The following FGF18 variants were observed in gnomAD, a reference collection of about 807,000 sequenced individuals.
The protein encoded by FGF18 is fibroblast growth factor 18.
In FGF18, 5 loss-of-function variants were observed where a neutral mutation model predicts 23.0. That is an observed-to-expected ratio of 0.22 (90% CI 0.11 to 0.46). The LOEUF (loss-of-function observed/expected upper bound fraction) is 0.46. Ranked by LOEUF, FGF18 falls within the 20% of genes least tolerant of loss-of-function variation. FGF18 has a pLI of 0.99. For missense variants in FGF18, 180 were observed against 291.6 expected, an observed-to-expected ratio of 0.62 and a Z score of 2.79; for synonymous variants, 117 against 118.9, an observed-to-expected ratio of 0.98 and a Z score of 0.10.
intron 2 of FGF18, among the ~76,000 whole-genome samples, chr5:171,423,707 T>C (rs1772053874): frequency 6.6e-6 from 1 of 151,112 alleles, no homozygotes; most frequent in Non-Finnish European, 1.5e-5. Flanking sequence ...CTGGTTAGGA[T>C]GGGGAAGCTG....
At chr5:171,435,139 G>C (rs756223449) in intron 2 of FGF18, among the ~76,000 whole-genome samples, 7 of 152,218 alleles carry the variant, frequency 4.6e-5, no homozygotes, top group Non-Finnish European at 8.8e-5. Flanking sequence ...CGTGGCTGGT[G>C]GGGAGGGAGT....
At chr5:171,448,365 C>T (rs921828868) in intron 3 of FGF18, among the ~76,000 whole-genome samples, 3 of 152,094 alleles carry the variant, frequency 2.0e-5, no homozygotes, top group African/African-American at 7.2e-5. Context: ...CTAGGGAGCT[C>T]GCACCTCACT....
chr5:171,421,929 C>T (rs925379427), intron 2 of FGF18, among the ~76,000 whole-genome samples: 5 of 152,110 alleles, frequency 3.3e-5, no homozygotes, highest in African/African-American at 1.2e-4. Flanking sequence ...CAGTGCCAGG[C>T]ATGGCCTGCC....
chr5:171,431,787 G>A (rs1413101184), intron 2 of FGF18, among the ~76,000 whole-genome samples: 1 of 152,090 alleles, frequency 6.6e-6, no homozygotes, highest in African/African-American at 2.4e-5. Flanking sequence ...GACTGGGCGC[G>A]GTGGCTCACA....
At chr5:171,453,411 A>C (rs1336343080) in intron 4 of FGF18, among the ~76,000 whole-genome samples, 1 of 152,236 alleles carries the variant, frequency 6.6e-6, no homozygotes, top group Non-Finnish European at 1.5e-5. Flanking sequence ...GGCACTGGGT[A>C]GCTCCTTGTA....
At chr5:171,432,534 G>A (rs548591017) in intron 2 of FGF18, among the ~76,000 whole-genome samples, 1 of 152,210 alleles carries the variant, frequency 6.6e-6, no homozygotes, top group Non-Finnish European at 1.5e-5. Flanking sequence ...TCAGCCTCCT[G>A]AGTAGCTGGG....
rs1281500559 is a variant in FGF18, at chr5:171,436,206, C to G, written c.183C>G (p.Thr61=). 6.2e-7 allele frequency: 1 copy of G among 1,607,156 alleles called. No individual in the cohort carries two copies. The highest frequency in any genetic ancestry group is 1.7e-5 in the Admixed American group (1 of 59,260). Residue 61 remains threonine (T), a synonymous_variant, in exon 3 of 5, where the codon ACC becomes ACG. Transcript: ENST00000274625. This position sits in a 1 kb window ranked among gnomAD's most constrained non-coding sequence, Gnocchi z 4.4. ...GGCTGTACCAGCTCTACAGCCGGAC[C>G]AGTGGGAAACACATCCAGGTCCTGG... ...QLRLYQLYSR[T]SGKHIQVLGR...
chr5:171,425,429 C>T (rs1450063729), intron 2 of FGF18, among the ~76,000 whole-genome samples: 2 of 151,914 alleles, frequency 1.3e-5, no homozygotes, highest in African/African-American at 2.4e-5. Flanking sequence ...CCATGTTGGC[C>T]AGGCTGGTCT....
intron 4 of FGF18, among the ~76,000 whole-genome samples, chr5:171,455,429 ATCTATCAGGAC>A (rs1772567388): frequency 6.6e-6 from 1 of 152,198 alleles, no homozygotes; most frequent in Admixed American, 6.5e-5. Flanking sequence ...TTTTATGCAA[ATCTATCAGGAC>A]TCATTTCTGT....
Position 171,451,067 on chromosome 5 carries a change from G to A in FGF18, c.357+1814G>A, listed in dbSNP as rs1388372059. Among the ~76,000 whole-genome samples the A allele has an allele frequency of 1.4e-5, 1 of 72,554 alleles. No individual in the cohort carries two copies. The highest frequency in any genetic ancestry group is 2.8e-5 in the Non-Finnish European group (1 of 35,922). 47.6% of individuals were successfully genotyped at this position (72,554 alleles called of 152,430 possible). A position where few individuals can be genotyped will look rare whatever the true frequency, so the allele number is the denominator to read the frequency against. ...CCTCGGGCCGCCCCCCCACCCCGCC[G>A]CCGGCCGCCTCCCGCCCGCGGGCGA... On this transcript the variant is annotated intron_variant, in intron 4 of 4. Transcript: ENST00000274625. This position sits in a 1 kb window ranked among gnomAD's most constrained non-coding sequence, Gnocchi z 4.5.
Position 171,456,795 on chromosome 5 carries a change from A to G in FGF18, c.614A>G (p.His205Arg), listed in dbSNP as rs1187616533. ...AGGTCCCGTCGGATCCGGCCCACAC[A>G]CCCTGCCTAGGCCACCCCGCCGCGG... ...TKRSRRIRPT[H>R]PA The change falls in exon 5 of 5, where the codon CAC (histidine) becomes CGC (arginine). Residue 205 changes from histidine (H) to arginine (R), a missense_variant. This residue lies in a region of FGF18 where 40 missense variants were observed against 41.4 expected (regional missense o/e 0.97). Transcript: ENST00000274625. This position sits in a 1 kb window ranked among gnomAD's most constrained non-coding sequence, Gnocchi z 6.1. The G allele has an allele frequency of 3.1e-6, 5 of 1,611,838 alleles. No homozygotes were observed. The highest frequency in any genetic ancestry group is 4.2e-6 in the Non-Finnish European group (5 of 1,179,012).
intron 2 of FGF18, among the ~76,000 whole-genome samples, chr5:171,423,522 T>C (rs1356081398): frequency 3.9e-5 from 6 of 152,126 alleles, no homozygotes; most frequent in East Asian, 1.9e-4. Context: ...TGGGGGGGCA[T>C]CCCCTGGCCT....
chr5:171,430,794 CAAAAAAAAAAAAA>C (rs566577499), intron 2 of FGF18, among the ~76,000 whole-genome samples: 2 of 53,826 alleles, frequency 3.7e-5, no homozygotes, highest in African/African-American at 1.6e-4. Context: ...GACTCCGTCT[CAAAAAAAAAAAAA>C]AAAAAAAAAG....
chr5:171,439,994 C>T (rs546918973), intron 3 of FGF18, among the ~76,000 whole-genome samples: 50 of 152,264 alleles, frequency 3.3e-4, no homozygotes, highest in African/African-American at 1.1e-3. Flanking sequence ...CCCTGCTAGC[C>T]AGGGAGATGG....
chr5:171,425,529 C>CTTTTTT (rs77671680), intron 2 of FGF18, among the ~76,000 whole-genome samples: 1 of 106,204 alleles, frequency 9.4e-6, no homozygotes, highest in African/African-American at 3.6e-5. Flanking sequence ...CCGCCATGTG[C>CTTTTTT]TTTTTTTTTT....
At chr5:171,449,452 T>G (rs1032967381) in intron 4 of FGF18, among the ~76,000 whole-genome samples, 199 bp downstream of exon 4, 15 of 151,364 alleles carry the variant, frequency 9.9e-5, no homozygotes, top group African/African-American at 3.6e-4. Flanking sequence ...GACTGTAATC[T>G]CTTCCTTTCA....
rs1250968903 is a variant in FGF18 at position 171,456,501 on chromosome 5, C to A, written c.358-38C>A. 3.1e-6 allele frequency: 5 copies of A among 1,594,470 alleles called. No homozygotes were observed. The highest frequency in any genetic ancestry group is 4.5e-5 in the East Asian group (2 of 44,600). On this transcript the variant is annotated intron_variant, in intron 4 of 4. Transcript: ENST00000274625. This position sits in a 1 kb window ranked among gnomAD's most constrained non-coding sequence, Gnocchi z 6.1. ...TGTGCTTTGGCAAGCATAACTGAGT[C>A]ATTTTTTTCTTGAACACTCCCCCTC...
At chr5:171,438,766 A>G (rs910939189) in intron 3 of FGF18, among the ~76,000 whole-genome samples, 1 of 151,974 alleles carries the variant, frequency 6.6e-6, no homozygotes. Context: ...AAGTGAGACA[A>G]TGGAGCCAAT....
chr5:171,424,028 G>A (rs1772058288), intron 2 of FGF18, among the ~76,000 whole-genome samples: 1 of 152,140 alleles, frequency 6.6e-6, no homozygotes, highest in Non-Finnish European at 1.5e-5. Flanking sequence ...GCCTCCCAAA[G>A]TGCTGGGATT....
Sources: gnomAD v4.1 joint callset for allele counts (sites outside exome capture counted in the v4.1 genomes callset) on GRCh38, gnomAD v4.1.1 for gene constraint, gnomAD v4.1.1 regional missense constraint, Gnocchi (gnomAD v3.1) non-coding constraint, MANE v1.5 for transcripts, NCBI Gene and HGNC (gene_info 2026-07-23, HGNC 2026-07-21) for gene names.